Variants in B3GALT1 observed in about 807,000 individuals in gnomAD.
The protein encoded by B3GALT1 is beta-1,3-galactosyltransferase 1.
A neutral mutation model predicts 23.2 loss-of-function variants in B3GALT1; 10 were observed. That is an observed-to-expected ratio of 0.43 (90% CI 0.27 to 0.73). The LOEUF (loss-of-function observed/expected upper bound fraction) is 0.73, where lower values mean the gene tolerates loss of function less well. Among genes scored for constraint, B3GALT1 ranks in the 30% least tolerant of loss-of-function variants. The pLI is 0.21. For synonymous variants in B3GALT1, 156 were observed against 141.5 expected (o/e 1.10, Z -0.73); for missense variants, 299 against 405.4 (o/e 0.74, Z 2.25).
rs193253944 is a variant in B3GALT1, at chr2:167,704,542, A to G, written c.-352+57576A>G. Among the ~76,000 whole-genome samples, 275 of 152,288 alleles carry G rather than the reference A, an allele frequency of 1.8e-3. 1 individual carries two copies. The highest frequency in any genetic ancestry group is 5.5e-3 in the Admixed American group (84 of 15,298). Reference sequence around the variant, plus strand: ...TATTATTCTCTAGCCTACTTTAAAAAAAAAAACTAGGAATGCCTCATTTAT... The same window carrying G: ...TATTATTCTCTAGCCTACTTTAAAAGAAAAAACTAGGAATGCCTCATTTAT... On this transcript the variant is annotated intron_variant, in intron 3 of 4. Coordinates refer to ENST00000392690, the MANE Select transcript of B3GALT1 (RefSeq NM_020981.4).
rs561273788 is a variant in B3GALT1 at position 167,375,354 on chromosome 2, G to GT, written c.-511+82028dup. 4.0e-4 allele frequency among the ~76,000 whole-genome samples: 60 copies of GT among 151,814 alleles called. No homozygotes were observed. The South Asian group carries it at 9.6e-3, about 24-fold the overall frequency. On this transcript the variant is annotated intron_variant, in intron 1 of 4. Coordinates refer to ENST00000392690, the MANE Select transcript of B3GALT1 (RefSeq NM_020981.4). ...TTAGTTCCATATGAATTTTAGCATA[G>GT]TTTTTTTTCCAATTCTGTGAAAAAT...
At chr2:167,414,536 A>T (rs1382798419) in intron 1 of B3GALT1, among the ~76,000 whole-genome samples, 1 of 152,174 alleles carries the variant, frequency 6.6e-6, no homozygotes, top group Admixed American at 6.5e-5. Context: ...TAAGATCCAC[A>T]ATAAATTAAC....
At chr2:167,850,754 G>A (rs1336389119) in intron 4 of B3GALT1, among the ~76,000 whole-genome samples, 1 of 152,054 alleles carries the variant, frequency 6.6e-6, no homozygotes, top group Non-Finnish European at 1.5e-5. Flanking sequence ...CTGATACGTG[G>A]GAGCTAAGCT....
At chr2:167,551,387 T>G (rs1479927893) in intron 2 of B3GALT1, among the ~76,000 whole-genome samples, 1 of 152,062 alleles carries the variant, frequency 6.6e-6, no homozygotes, top group Non-Finnish European at 1.5e-5. Flanking sequence ...GGTAGAAAAA[T>G]TTGTTCTTTG....
chr2:167,835,421 C>A (rs929218033), intron 4 of B3GALT1, among the ~76,000 whole-genome samples: 2 of 152,210 alleles, frequency 1.3e-5, no homozygotes, highest in Non-Finnish European at 2.9e-5. Flanking sequence ...CACGGAGTCT[C>A]GCTGATTGCT....
intron 3 of B3GALT1, among the ~76,000 whole-genome samples, chr2:167,688,151 T>C (rs929396976): frequency 2.9e-4 from 44 of 152,182 alleles, no homozygotes; most frequent in African/African-American, 1.1e-3. Context: ...GATTCTAGAC[T>C]CAGCTCTCAG....
intron 2 of B3GALT1, among the ~76,000 whole-genome samples, chr2:167,633,769 A>C (rs1216587868): frequency 1.3e-5 from 2 of 152,142 alleles, no homozygotes; most frequent in African/African-American, 4.8e-5. Context: ...CCCCACTGTC[A>C]ATATTAGACA....
intron 1 of B3GALT1, among the ~76,000 whole-genome samples, chr2:167,376,638 A>C (rs1035868345): frequency 6.6e-6 from 1 of 152,094 alleles, no homozygotes; most frequent in African/African-American, 2.4e-5. Flanking sequence ...AGAGGTGTTC[A>C]TAATAGTCTT....
chr2:167,770,618 C>T (rs1177409635), intron 3 of B3GALT1, among the ~76,000 whole-genome samples: 2 of 152,090 alleles, frequency 1.3e-5, no homozygotes, highest in Non-Finnish European at 2.9e-5. Flanking sequence ...AAATTGTTAA[C>T]GTTGATAAAG....
chr2:167,816,491 A>G lies in B3GALT1; in HGVS notation c.-351-2181A>G, dbSNP rs116817012. Among the ~76,000 whole-genome samples the G allele has an allele frequency of 1.9e-3, 288 of 152,108 alleles. 1 individual carries two copies. Among genetic ancestry groups the G allele is most frequent in the African/African-American group, 6.6e-3 (272 of 41,498 alleles). On this transcript the variant is annotated intron_variant, in intron 3 of 4. Coordinates refer to ENST00000392690, the MANE Select transcript of B3GALT1 (RefSeq NM_020981.4). ...GGTTATTTTTCACTCAGTGAATGCT[A>G]TGATGACTATAATAATACCTAGGAT...
intron 1 of B3GALT1, among the ~76,000 whole-genome samples, chr2:167,426,896 T>C (rs780096219): frequency 6.6e-6 from 1 of 152,238 alleles, no homozygotes; most frequent in Non-Finnish European, 1.5e-5. Flanking sequence ...ATCATGCTTA[T>C]GTGCTACAGA....
At chr2:167,708,117 C>T (rs1293932187) in intron 3 of B3GALT1, among the ~76,000 whole-genome samples, 2 of 152,206 alleles carry the variant, frequency 1.3e-5, no homozygotes, top group Non-Finnish European at 2.9e-5. Context: ...GGTGTCTCTG[C>T]TCTGTACTAC....
At chr2:167,650,003 G>A (rs1263195702) in intron 3 of B3GALT1, among the ~76,000 whole-genome samples, 1 of 147,288 alleles carries the variant, frequency 6.8e-6, no homozygotes, top group Non-Finnish European at 1.5e-5. Flanking sequence ...GTGACCTTAG[G>A]GGGAAGCTTT....
chr2:167,410,455 C>A (rs1182235232), intron 1 of B3GALT1, among the ~76,000 whole-genome samples: 1 of 148,668 alleles, frequency 6.7e-6, no homozygotes, highest in Admixed American at 6.7e-5. Context: ...CGCGCCACTG[C>A]ACTCCAGCCT....
chr2:167,601,913 C>T (rs1370628666), intron 2 of B3GALT1, among the ~76,000 whole-genome samples: 1 of 152,166 alleles, frequency 6.6e-6, no homozygotes, highest in Non-Finnish European at 1.5e-5. Context: ...ATACTTAATA[C>T]TCTACATTAA....
At chr2:167,457,504 A>T (rs1699190298) in intron 1 of B3GALT1, among the ~76,000 whole-genome samples, 1 of 151,356 alleles carries the variant, frequency 6.6e-6, no homozygotes, top group Non-Finnish European at 1.5e-5. Context: ...TGGCCATTGT[A>T]CTCCTTGTTT....
chr2:167,582,147 G>A (rs1196940431), intron 2 of B3GALT1, among the ~76,000 whole-genome samples: 1 of 152,148 alleles, frequency 6.6e-6, no homozygotes, highest in East Asian at 1.9e-4. Context: ...TAAAACACCA[G>A]CTGTTAATGT....
intron 3 of B3GALT1, among the ~76,000 whole-genome samples, chr2:167,729,353 C>T (rs546517054): frequency 9.8e-5 from 15 of 152,316 alleles, no homozygotes; most frequent in Non-Finnish European, 1.2e-4. Context: ...TACTATGCTT[C>T]CCCTGCCAAA....
chr2:167,561,495 C>CA (rs374580401), intron 2 of B3GALT1, among the ~76,000 whole-genome samples: 1 of 151,732 alleles, frequency 6.6e-6, no homozygotes, highest in East Asian at 1.9e-4. Flanking sequence ...AAAAACCCTT[C>CA]AAAAAATTAA....
Sources: allele counts gnomAD v4.1 joint callset (sites outside exome capture counted in the v4.1 genomes callset), GRCh38; gene constraint gnomAD v4.1.1; transcripts MANE v1.5; gene names NCBI Gene and HGNC (gene_info 2026-07-23, HGNC 2026-07-21).